The following SCARB1 variants were observed in gnomAD, a reference collection of about 807,000 sequenced individuals.
SCARB1 encodes scavenger receptor class B member 1.
Under a neutral mutation model 57.2 loss-of-function variants are expected in SCARB1, and 30 were observed. That is an observed-to-expected ratio of 0.52 (90% confidence interval 0.39 to 0.71). The LOEUF is 0.71. Ranked by LOEUF, SCARB1 falls within the 30% of genes least tolerant of loss-of-function variation. The pLI, the probability that SCARB1 is intolerant of heterozygous loss-of-function variation, is 0.00. For missense variants in SCARB1, 543 were observed against 671.2 expected (o/e 0.81, Z 2.11); for synonymous variants, 249 against 268.3 (o/e 0.93, Z 0.70).
intron 9 of SCARB1, among the ~76,000 whole-genome samples, chr12:124,794,092 G>A (rs369516887): frequency 5.1e-4 from 77 of 152,314 alleles, no homozygotes; most frequent in African/African-American, 1.5e-3. Flanking sequence ...GCCCAGAATA[G>A]GTAAGTCCGC....
chr12:124,790,774 C>T (rs976255126), intron 9 of SCARB1, among the ~76,000 whole-genome samples: 1 of 152,218 alleles, frequency 6.6e-6, no homozygotes. Context: ...ACTCAAGCGT[C>T]GCTGCCTGGA....
rs551980541 is a variant in SCARB1 at position 124,797,217 on chromosome 12, C to T, written c.1129-1949G>A. On this transcript the variant is annotated intron_variant, in intron 8 of 12. Coordinates refer to ENST00000261693, the MANE Select transcript of SCARB1 (RefSeq NM_005505.5). ...CTGGAAGCTCCAGCCTGGCCTCCCC[C>T]GACTTCACCCAAGGTGCTTTTTCCC... 1.7e-3 allele frequency among the ~76,000 whole-genome samples: 261 copies of T among 152,242 alleles called. 1 individual carries two copies. The highest frequency in any genetic ancestry group is 6.0e-3 in the African/African-American group (248 of 41,550).
intron 1 of SCARB1, among the ~76,000 whole-genome samples, chr12:124,843,764 G>T (rs1952013318): frequency 6.6e-6 from 1 of 152,142 alleles, no homozygotes; most frequent in African/African-American, 2.4e-5. Flanking sequence ...GCCCCAGTTT[G>T]CTCTGTGACC....
chr12:124,817,353 TAAAAAAAA>T lies in SCARB1; in HGVS notation c.284+189_284+196del, dbSNP rs60063887. Among the ~76,000 whole-genome samples, 83 of 68,774 alleles carry T rather than the reference TAAAAAAAA, an allele frequency of 1.2e-3. No individual in the cohort carries two copies. The highest frequency in any genetic ancestry group is 4.5e-3 in the African/African-American group (81 of 18,080). 45.1% of individuals were successfully genotyped at this position (68,774 alleles called of 152,430 possible). Reference sequence around the variant, plus strand: ...GGGCAACATAGCAAGATCCCATCTCTAAAAAAAAAAAAAAAAAAAAAAAAAACCCTAAA... The same window carrying T: ...GGGCAACATAGCAAGATCCCATCTCTAAAAAAAAAAAAAAAAAACCCTAAA... On this transcript the variant is annotated intron_variant, in intron 2 of 12. Coordinates refer to ENST00000261693, the MANE Select transcript of SCARB1 (RefSeq NM_005505.5). This position sits in a 1 kb window ranked among gnomAD's most constrained non-coding sequence, Gnocchi z 4.8.
chr12:124,794,443 C>T (rs1296310679), intron 9 of SCARB1, among the ~76,000 whole-genome samples: 1 of 141,390 alleles, frequency 7.1e-6, no homozygotes, highest in African/African-American at 2.8e-5. Flanking sequence ...CTCTGTCGCC[C>T]AGGCTGGAGT....
In SCARB1 at chr12:124,814,352, G is replaced by C; in HGVS notation, c.480C>G (p.Thr160=). The C allele has an allele frequency of 6.2e-7, 1 of 1,614,188 alleles. No individual in the cohort carries two copies. The highest frequency in any genetic ancestry group is 2.2e-5 in the East Asian group (1 of 44,886). Residue 160 remains threonine, a synonymous_variant, in exon 4 of 13, where the codon ACC becomes ACG. Transcript: ENST00000261693. The surrounding 1 kb of genome is among the most constrained non-coding windows in gnomAD (Gnocchi z 4.7). ...NKPMTLKLIM[T]LAFTTLGERA... is the part of the protein sequence containing the mutation. ...GTTCGCCGAGGGTGGTGAATGCCAA[G>C]GTCATGATGAGCTTCAGGGTCATGG...
chr12:124,843,946 A>C (rs1382352294), intron 1 of SCARB1, among the ~76,000 whole-genome samples: 5 of 152,120 alleles, frequency 3.3e-5, no homozygotes, highest in African/African-American at 1.2e-4. Context: ...GGTGCTGGAG[A>C]GGATGTGAGA....
At chr12:124,857,099 C>T (rs1952667872) in intron 1 of SCARB1, among the ~76,000 whole-genome samples, 1 of 152,040 alleles carries the variant, frequency 6.6e-6, no homozygotes, top group Non-Finnish European at 1.5e-5. Flanking sequence ...TCGACCTGCT[C>T]AGACACACGG....
chr12:124,856,506 GC>G lies in SCARB1; in HGVS notation c.126+7088del, dbSNP rs1381242343. ...AACTAAAAATAGCCCATGTTTTTCA[GC>G]CGTCGCCAGGGAGTAAGTTGAAGCT... On this transcript the variant is annotated intron_variant, in intron 1 of 12. Transcript: ENST00000261693. Among the ~76,000 whole-genome samples, 24 of 152,364 alleles carry G rather than the reference GC, an allele frequency of 1.6e-4. No individual in the cohort carries two copies. In the South Asian group the frequency reaches 3.3e-3, roughly 21 times the overall value.
chr12:124,821,626 C>T (rs1438929858), intron 1 of SCARB1: 5 of 778,358 alleles, frequency 6.4e-6, no homozygotes, highest in Non-Finnish European at 7.8e-6. Context: ...TGACCTTCTC[C>T]GAGTCTCAGT....
chr12:124,850,584 C>T, intron 1 of SCARB1, among the ~76,000 whole-genome samples: 1 of 152,128 alleles, frequency 6.6e-6, no homozygotes, highest in East Asian at 1.9e-4. Flanking sequence ...GTGAGAGAAT[C>T]GCTTGAACCT....
At chr12:124,852,716 T>A (rs1201699291) in intron 1 of SCARB1, among the ~76,000 whole-genome samples, 1 of 152,182 alleles carries the variant, frequency 6.6e-6, no homozygotes, top group Non-Finnish European at 1.5e-5. Context: ...TATTAAGGGC[T>A]CAGAAGGGAA....
chr12:124,855,615 A>G (rs1021160308), intron 1 of SCARB1, among the ~76,000 whole-genome samples: 4 of 152,138 alleles, frequency 2.6e-5, no homozygotes, highest in African/African-American at 9.7e-5. Context: ...TTTTTGACTG[A>G]GCCCTAGCGT....
intron 1 of SCARB1, among the ~76,000 whole-genome samples, chr12:124,840,185 A>ATT (rs61308172): frequency 1.6e-4 from 23 of 143,584 alleles, no homozygotes; most frequent in Admixed American, 5.6e-4. Context: ...GGCTATCTGC[A>ATT]TTTTTTTTTT....
At chr12:124,786,329 C>A (rs1349238970) in intron 11 of SCARB1, 28 bp downstream of exon 11, 4 of 1,612,364 alleles carry the variant, frequency 2.5e-6, no homozygotes, top group South Asian at 2.2e-5. Context: ...TGGCTGTCAG[C>A]CCGGGCTGCC....
intron 2 of SCARB1, among the ~76,000 whole-genome samples, chr12:124,815,403 A>G (rs1170595302): frequency 1.3e-5 from 2 of 152,178 alleles, no homozygotes; most frequent in African/African-American, 4.8e-5. Flanking sequence ...CCTACTTCAC[A>G]GGGCAGCTGT....
intron 1 of SCARB1, among the ~76,000 whole-genome samples, chr12:124,824,097 C>T (rs1024060378): frequency 1.3e-5 from 2 of 151,540 alleles, no homozygotes; most frequent in Admixed American, 6.6e-5. Context: ...TCGCTTGAAC[C>T]CGGGAGGCGG....
chr12:124,847,932 G>A (rs1190694998), intron 1 of SCARB1, among the ~76,000 whole-genome samples: 1 of 152,158 alleles, frequency 6.6e-6, no homozygotes, highest in African/African-American at 2.4e-5. Context: ...TCCAAATCAA[G>A]GGCCATCCTG....
At position 124,837,514 on chromosome 12, in the gene SCARB1, GAA is replaced by G. The variant is rs1268094857; in HGVS notation, c.127-19809_127-19808del. 5.7e-3 allele frequency among the ~76,000 whole-genome samples: 635 copies of G among 110,468 alleles called. 36 individuals are homozygous for G. The East Asian group carries it at 0.11, about 19-fold the overall frequency. The allele number at this position is 110,468 out of a possible 152,430, so 72.5% of individuals were successfully genotyped here. On this transcript the variant is annotated intron_variant, in intron 1 of 12. Transcript: ENST00000261693. The stretch of plus-strand genomic sequence containing the variant: ...AAGGAAGGAAGGAAGGGAGAAAAAA[GAA>G]AAGAAAGGAAAGAAAAAGAAAGAAA...
Sources: gnomAD v4.1 joint callset for allele counts (sites outside exome capture counted in the v4.1 genomes callset) on GRCh38, gnomAD v4.1.1 for gene constraint, Gnocchi (gnomAD v3.1) non-coding constraint, MANE v1.5 for transcripts, NCBI Gene and HGNC (gene_info 2026-07-23, HGNC 2026-07-21) for gene names.